AKAP9: variants seen among roughly 807,000 people sequenced by gnomAD.
AKAP9 encodes A-kinase anchor protein 9.
Under a neutral mutation model 488.5 loss-of-function variants are expected in AKAP9, and 311 were observed. The observed-to-expected ratio is 0.64, with a 90% confidence interval of 0.58 to 0.70. AKAP9 has a LOEUF of 0.70. Ranked by LOEUF, AKAP9 falls within the 30% of genes least tolerant of loss-of-function variation. The pLI is 0.00. For synonymous variants in AKAP9, 1,462 were observed against 1,483.5 expected (o/e 0.99, Z 0.33); for missense variants, 4,215 against 4,374.5 (o/e 0.96, Z 1.03).
chr7:92,079,097 G>T lies in AKAP9; in HGVS notation c.6964G>T (p.Glu2322Ter). ...TDNKVIEEKN[E>*]LIRDLETQIE... is the part of the protein sequence containing the mutation. ...TTATTAGGTTATTGAAGAAAAAAAT[G>T]AACTGATAAGGGATCTTGAAACCCA... is the stretch of plus-strand genomic sequence containing the variant. The change falls in exon 31 of 50, where the codon GAA becomes TAA. Residue 2322 changes from glutamate to a stop codon, truncating the protein, a stop_gained. Coordinates refer to ENST00000356239, the MANE Select transcript of AKAP9 (RefSeq NM_005751.5). LOFTEE classifies it high-confidence loss of function. 6.2e-7 allele frequency: 1 copy of T among 1,606,220 alleles called. No homozygotes were observed. Among genetic ancestry groups the T allele is most frequent in the South Asian group, 1.1e-5 (1 of 88,844 alleles).
intron 8 of AKAP9, among the ~76,000 whole-genome samples, chr7:92,004,458 G>A (rs1799553858): frequency 6.6e-6 from 1 of 152,176 alleles, no homozygotes; most frequent in South Asian, 2.1e-4. Flanking sequence ...AGCATGGAAT[G>A]TTCTTCCATT....
chr7:91,984,743 T>C (rs1035596769), intron 3 of AKAP9, among the ~76,000 whole-genome samples: 3 of 152,034 alleles, frequency 2.0e-5, no homozygotes, highest in Non-Finnish European at 4.4e-5. Context: ...TTTCACAATA[T>C]TGATTATTCC....
intron 1 of AKAP9, among the ~76,000 whole-genome samples, chr7:91,959,346 G>A (rs1793436205): frequency 6.6e-6 from 1 of 151,900 alleles, no homozygotes; most frequent in Non-Finnish European, 1.5e-5. Flanking sequence ...CTGGAGTGGA[G>A]TGCGGTGATG....
At chr7:92,062,183 T>C (rs1203642378) in intron 23 of AKAP9, 91 bp from the exon 24 acceptor site, 3 of 1,184,818 alleles carry the variant, frequency 2.5e-6, no homozygotes, top group Admixed American at 1.9e-5. Flanking sequence ...AAAGTTTTGC[T>C]AACAGTATAC....
rs1373682133 is a variant in AKAP9 at position 91,949,035 on chromosome 7, G to A, written c.48+7888G>A. 2.6e-5 allele frequency among the ~76,000 whole-genome samples: 4 copies of A among 152,182 alleles called. No individual in the cohort carries two copies. The South Asian group carries it at 6.2e-4, about 24-fold the overall frequency. ...CAAAGTGCTGGGATTACAGGCCTGA[G>A]CCACTGCGCCTAGCCCATTTGTAGA... On this transcript the variant is annotated intron_variant, in intron 1 of 49. Coordinates refer to ENST00000356239, the MANE Select transcript of AKAP9 (RefSeq NM_005751.5).
At chr7:92,049,594 G>C (rs1807574481) in intron 21 of AKAP9, among the ~76,000 whole-genome samples, 1 of 152,022 alleles carries the variant, frequency 6.6e-6, no homozygotes, top group East Asian at 1.9e-4. Context: ...CTGGGCGACA[G>C]AGTGAGACTC....
intron 1 of AKAP9, among the ~76,000 whole-genome samples, chr7:91,968,207 G>A (rs985752175): frequency 3.9e-5 from 6 of 152,220 alleles, no homozygotes; most frequent in African/African-American, 1.2e-4. Flanking sequence ...GCCTCTGAAA[G>A]TGCTGAGATT....
chr7:92,089,081 C>G (rs1815086213), intron 37 of AKAP9, among the ~76,000 whole-genome samples: 1 of 152,040 alleles, frequency 6.6e-6, no homozygotes. Context: ...GTACATTTCA[C>G]AAAATTTGAA....
chr7:92,027,616 T>C (rs13307590), intron 14 of AKAP9, among the ~76,000 whole-genome samples: 6 of 98,092 alleles, frequency 6.1e-5, no homozygotes, highest in East Asian at 2.9e-4. Context: ...CGCCTCTGCC[T>C]GGCCGCCCCG....
chr7:91,959,894 A>G (rs1411730553), intron 1 of AKAP9, among the ~76,000 whole-genome samples: 3 of 152,200 alleles, frequency 2.0e-5, no homozygotes, highest in African/African-American at 4.8e-5. Flanking sequence ...ACTTTAAAGC[A>G]TCCTTAAAAT....
chr7:92,007,281 CTTTTTTTTTTTTT>C lies in AKAP9; in HGVS notation c.3318+4063_3318+4075del, dbSNP rs35623219. 1.4e-4 allele frequency among the ~76,000 whole-genome samples: 12 copies of C among 84,118 alleles called. No individual in the cohort carries two copies. In the East Asian group the frequency reaches 3.3e-3, roughly 23 times the overall value. 55.2% of individuals were successfully genotyped at this position (84,118 alleles called of 152,430 possible). ...AAAATTAAGCATGAGAACTGAAATTCTTTTTTTTTTTTTTTTTTTTTTTTTTTTTGAGACAGAG... is the reference window on the plus strand; with the variant it reads ...AAAATTAAGCATGAGAACTGAAATTCTTTTTTTTTTTTTTTTGAGACAGAG... On this transcript the variant is annotated intron_variant, in intron 8 of 49. Transcript: ENST00000356239.
intron 31 of AKAP9, among the ~76,000 whole-genome samples, chr7:92,081,473 TTA>T (rs372040821): frequency 0.35 from 41,529 of 119,862 alleles, 8,329 homozygotes; most frequent in Admixed American, 0.46. Context: ...CCCGGCTAAT[TTA>T]TATATATATA....
At chr7:91,982,150 C>G (rs140618738) in intron 3 of AKAP9, among the ~76,000 whole-genome samples, 60 of 151,370 alleles carry the variant, frequency 4.0e-4, no homozygotes, top group East Asian at 1.4e-3. Flanking sequence ...TTTTGTCATT[C>G]TAAGTATTTT....
rs148920964 is a variant in AKAP9, at chr7:91,994,654, G to A, written c.610G>A (p.Asp204Asn). ...ATTTGAAGCTGCCATTAAACAAAGA[G>A]ATGGCATTATAACCCAGCTCACTGC... is the stretch of plus-strand genomic sequence containing the variant. ...QEFEAAIKQR[D>N]GIITQLTANL... The change falls in exon 6 of 50, where the codon GAT becomes AAT. Residue 204 changes from aspartate to asparagine, a missense_variant. Transcript: ENST00000356239. The A allele has an allele frequency of 2.4e-4, 380 of 1,613,204 alleles. 1 individual carries two copies. In the South Asian group the frequency reaches 2.4e-3, roughly 10 times the overall value.
rs748742676 is a variant in AKAP9 at position 92,107,313 on chromosome 7, T to C, written c.11437T>C (p.Phe3813Leu). 3 of 1,613,822 alleles carry C rather than the reference T, an allele frequency of 1.9e-6. No homozygotes were observed. The African/African-American group carries it at 4.0e-5, about 22-fold the overall frequency. ...TTTAGGTGCAGAAAAGACTGACTCATTTTATCATTCTTCTGGTGGGCTGGA... is the reference window on the plus strand; with the variant it reads ...TTTAGGTGCAGAAAAGACTGACTCACTTTATCATTCTTCTGGTGGGCTGGA... ...LNQGAEKTDS[F>L]YHSSGGLELY... Residue 3813 changes from phenylalanine to leucine, a missense_variant, in exon 48 of 50, where the codon TTT (phenylalanine) becomes CTT (leucine). Physicochemically the swap from Phe to Leu is conservative, Grantham distance 22. Transcript: ENST00000356239.
At chr7:92,055,132 C>A (rs1753705281) in intron 22 of AKAP9, among the ~76,000 whole-genome samples, 1 of 151,860 alleles carries the variant, frequency 6.6e-6, no homozygotes. Flanking sequence ...GTAATTTATT[C>A]CCATGGAATT....
At chr7:92,064,914 C>G (rs1810523630) in intron 24 of AKAP9, among the ~76,000 whole-genome samples, 1 of 150,828 alleles carries the variant, frequency 6.6e-6, no homozygotes. Flanking sequence ...GGACTTTGTT[C>G]TTTGCCCAGT....
At chr7:92,109,791 A>C (rs1819073155) in intron 49 of AKAP9, among the ~76,000 whole-genome samples, 1 of 152,114 alleles carries the variant, frequency 6.6e-6, no homozygotes, top group Admixed American at 6.6e-5. Context: ...TCTCCACTAA[A>C]AATACAAAAA....
intron 28 of AKAP9, among the ~76,000 whole-genome samples, chr7:92,073,474 C>G (rs1812070365): frequency 6.6e-6 from 1 of 151,692 alleles, no homozygotes; most frequent in African/African-American, 2.4e-5. Flanking sequence ...CCACTGCACT[C>G]TAGCGTGGGC....
Sources: gnomAD v4.1 joint callset for allele counts (sites outside exome capture counted in the v4.1 genomes callset) on GRCh38, gnomAD v4.1.1 for gene constraint, MANE v1.5 for transcripts, NCBI Gene and HGNC (gene_info 2026-07-23, HGNC 2026-07-21) for gene names.